Variants in LAMA2 observed in about 807,000 individuals in gnomAD.
The protein encoded by LAMA2 is laminin subunit alpha 2.
Under a neutral mutation model 364.8 loss-of-function variants are expected in LAMA2, and 269 were observed. The ratio of observed to expected loss-of-function variants is 0.74; its 90% CI spans 0.67 to 0.82. The LOEUF is 0.82. LAMA2 is among the 40% of genes least tolerant of loss of function. LAMA2 has a pLI of 0.00. For synonymous variants in LAMA2, 1,379 were observed against 1,370.6 expected, an observed-to-expected ratio of 1.01 and a Z score of -0.14; for missense variants, 3,807 against 3,873.2, an observed-to-expected ratio of 0.98 and a Z score of 0.45.
chr6:129,284,547 A>G (rs1192879885), intron 18 of LAMA2, among the ~76,000 whole-genome samples: 1 of 152,036 alleles, frequency 6.6e-6, no homozygotes, highest in African/African-American at 2.4e-5. Flanking sequence ...GAGAAACCAG[A>G]GCTTTTCTAA....
rs116798238 is a variant in LAMA2 at position 129,138,882 on chromosome 6, T to C, written c.640-5019T>C. Among the ~76,000 whole-genome samples the C allele has an allele frequency of 6.8e-3, 1,039 of 152,178 alleles. 10 individuals carry two copies. The highest frequency in any genetic ancestry group is 0.024 in the African/African-American group (979 of 41,528). On this transcript the variant is annotated intron_variant, in intron 4 of 64. Coordinates refer to ENST00000421865, the MANE Select transcript of LAMA2 (RefSeq NM_000426.4). Reference sequence around the variant, plus strand: ...AAGGGTTGAGCACTGTGGTGCTCTATTATGAGAAAGTTAGGAAGGATTAAA... The same window carrying C: ...AAGGGTTGAGCACTGTGGTGCTCTACTATGAGAAAGTTAGGAAGGATTAAA...
At chr6:129,178,687 C>A (rs1242150879) in intron 10 of LAMA2, among the ~76,000 whole-genome samples, 1 of 151,936 alleles carries the variant, frequency 6.6e-6, no homozygotes, top group Non-Finnish European at 1.5e-5. Context: ...AAAGAGGGAC[C>A]CTTATTAAAA....
chr6:129,341,917 C>T (rs1213129895), intron 29 of LAMA2, among the ~76,000 whole-genome samples: 1 of 152,230 alleles, frequency 6.6e-6, no homozygotes, highest in Non-Finnish European at 1.5e-5. Flanking sequence ...CACTAGTGGG[C>T]ATGTGCCAAG....
At chr6:129,012,420 T>C (rs1293224586) in intron 1 of LAMA2, among the ~76,000 whole-genome samples, 1 of 152,206 alleles carries the variant, frequency 6.6e-6, no homozygotes, top group Non-Finnish European at 1.5e-5. Context: ...CATGTTGTAA[T>C]GTAAAATCAA....
intron 1 of LAMA2, among the ~76,000 whole-genome samples, chr6:128,923,689 C>A (rs1778896909): frequency 6.6e-6 from 1 of 152,160 alleles, no homozygotes; most frequent in South Asian, 2.1e-4. Context: ...CACAATTACT[C>A]AATCACTAAT....
chr6:129,073,578 G>A (rs763529161), intron 3 of LAMA2, among the ~76,000 whole-genome samples: 1 of 151,784 alleles, frequency 6.6e-6, no homozygotes, highest in Non-Finnish European at 1.5e-5. Context: ...CTTCTTTTGA[G>A]GTTTCTCAGT....
chr6:129,222,058 G>A (rs534368948), intron 12 of LAMA2, among the ~76,000 whole-genome samples: 1 of 152,276 alleles, frequency 6.6e-6, no homozygotes, highest in South Asian at 2.1e-4. Flanking sequence ...AATTCAGCAT[G>A]TCAGGGTTAT....
intron 40 of LAMA2, among the ~76,000 whole-genome samples, chr6:129,418,658 G>A (rs572312596): frequency 1.3e-5 from 2 of 152,050 alleles, no homozygotes; most frequent in South Asian, 4.2e-4. Context: ...TAATTAAATT[G>A]AGGGAAGATG....
At position 128,924,874 on chromosome 6, in the gene LAMA2, A is replaced by G. The variant is rs1331369808; in HGVS notation, c.112+41517A>G. ...AACATCAACAAGCCTTTTACAGAATATACATGCTTAAGTTTCACACCATAT... is the reference window on the plus strand; with the variant it reads ...AACATCAACAAGCCTTTTACAGAATGTACATGCTTAAGTTTCACACCATAT... On this transcript the variant is annotated intron_variant, in intron 1 of 64. Transcript: ENST00000421865. Among the ~76,000 whole-genome samples, 8 of 152,246 alleles carry G rather than the reference A, an allele frequency of 5.3e-5. No homozygotes were observed. In the East Asian group the frequency reaches 1.3e-3, roughly 26 times the overall value.
chr6:129,090,096 A>T (rs1400188759), intron 3 of LAMA2, among the ~76,000 whole-genome samples: 1 of 152,218 alleles, frequency 6.6e-6, no homozygotes, highest in Non-Finnish European at 1.5e-5. Context: ...GGGAATCAAT[A>T]GTTTGTTTAC....
At chr6:128,971,293 G>A (rs1266188940) in intron 1 of LAMA2, among the ~76,000 whole-genome samples, 1 of 152,302 alleles carries the variant, frequency 6.6e-6, no homozygotes, top group East Asian at 1.9e-4. Context: ...AGTGCCTAGT[G>A]TTGTCATAGG....
At chr6:129,058,326 G>C (rs1788629321) in intron 2 of LAMA2, among the ~76,000 whole-genome samples, 1 of 152,218 alleles carries the variant, frequency 6.6e-6, no homozygotes, top group East Asian at 1.9e-4. Context: ...AGCTAAAATG[G>C]GAGAGATGAG....
At chr6:129,511,511 G>A (rs2114927107) in intron 62 of LAMA2, among the ~76,000 whole-genome samples, 1 of 152,164 alleles carries the variant, frequency 6.6e-6, no homozygotes, top group South Asian at 2.1e-4. Flanking sequence ...GTTCTCAGTA[G>A]AACAAAAGTC....
chr6:128,969,533 C>T (rs776473207), intron 1 of LAMA2, among the ~76,000 whole-genome samples: 10 of 151,986 alleles, frequency 6.6e-5, no homozygotes, highest in Non-Finnish European at 1.0e-4. Flanking sequence ...CAGGCTCAAG[C>T]GATCCTCCTG....
chr6:129,227,342 T>G (rs1019533117), intron 12 of LAMA2, among the ~76,000 whole-genome samples: 4 of 152,232 alleles, frequency 2.6e-5, no homozygotes, highest in African/African-American at 9.6e-5. Flanking sequence ...CTCAAAGTCA[T>G]TCTCCATCCA....
At position 128,883,192 on chromosome 6, in the gene LAMA2, G is replaced by T; in HGVS notation, c.-54G>T. ...CTCACAAGCCAAGGCCAGGGGACAG[G>T]GCGGCAGCGACTCCTCTGGCTCCCG... is the stretch of plus-strand genomic sequence containing the variant. On this transcript the variant is annotated 5_prime_UTR_variant, in exon 1 of 65. Transcript: ENST00000421865. The T allele has an allele frequency of 6.6e-7, 1 of 1,511,678 alleles. No homozygotes were observed. Among genetic ancestry groups the T allele is most frequent in the Non-Finnish European group, 8.9e-7 (1 of 1,118,080 alleles). The allele number at this position is 1,511,678 out of a possible 1,614,324, so 93.6% of individuals were successfully genotyped here. A position where few individuals can be genotyped will look rare whatever the true frequency, so the allele number is the denominator to read the frequency against.
At chr6:129,159,008 T>C in intron 8 of LAMA2, 1 of 1,584,740 alleles carries the variant, frequency 6.3e-7, no homozygotes, top group South Asian at 1.1e-5. Flanking sequence ...CTGGTCGGAG[T>C]CTGATTTCAT....
At chr6:129,141,470 A>C (rs1015883663) in intron 4 of LAMA2, among the ~76,000 whole-genome samples, 23 of 152,062 alleles carry the variant, frequency 1.5e-4, no homozygotes, top group Non-Finnish European at 4.4e-5. Flanking sequence ...TAAGCATCCC[A>C]GGTAGATTCA....
chr6:128,979,290 C>T (rs1321954667), intron 1 of LAMA2, among the ~76,000 whole-genome samples: 1 of 152,160 alleles, frequency 6.6e-6, no homozygotes, highest in Non-Finnish European at 1.5e-5. Flanking sequence ...CCTCATGTTG[C>T]TGCCTTATTT....
Sources: gnomAD v4.1 joint callset for allele counts (sites outside exome capture counted in the v4.1 genomes callset) on GRCh38, gnomAD v4.1.1 for gene constraint, MANE v1.5 for transcripts, NCBI Gene and HGNC (gene_info 2026-07-23, HGNC 2026-07-21) for gene names.